The following CDH4 variants were observed in gnomAD, a reference collection of about 807,000 sequenced individuals.
CDH4 encodes the protein cadherin-4.
Under a neutral mutation model 86.0 loss-of-function variants are expected in CDH4, and 33 were observed. That is an observed-to-expected ratio of 0.38 (90% CI 0.29 to 0.51). The LOEUF is 0.51. Ranked by LOEUF, CDH4 falls within the 20% of genes least tolerant of loss-of-function variation. CDH4 has a pLI of 0.86. For missense variants in CDH4, 1,114 were observed against 1,307.4 expected (o/e 0.85, Z 2.28); for synonymous variants, 555 against 549.4 (o/e 1.01, Z -0.14).
chr20:61,728,265 T>C (rs756612808), intron 2 of CDH4, among the ~76,000 whole-genome samples: 6 of 152,184 alleles, frequency 3.9e-5, no homozygotes, highest in Non-Finnish European at 5.9e-5. Context: ...TAGACATCTG[T>C]GTGTGTCTTG....
At chr20:61,505,684 G>A (rs2085735377) in intron 2 of CDH4, among the ~76,000 whole-genome samples, 1 of 143,150 alleles carries the variant, frequency 7.0e-6, no homozygotes, top group South Asian at 2.2e-4. Flanking sequence ...CCTGTGCTTG[G>A]CATCCTGCCT....
intron 2 of CDH4, among the ~76,000 whole-genome samples, chr20:61,627,560 G>A (rs149056526): frequency 0.038 from 5,732 of 152,286 alleles, 182 homozygotes; most frequent in Middle Eastern, 0.075. Flanking sequence ...TGCCCGCATG[G>A]AGAGCTCTTT....
chr20:61,410,185 G>T (rs1181133018), intron 2 of CDH4, among the ~76,000 whole-genome samples: 1 of 152,202 alleles, frequency 6.6e-6, no homozygotes, highest in Non-Finnish European at 1.5e-5. Context: ...GGGAAAAGAA[G>T]AGTAACTTGT....
intron 2 of CDH4, among the ~76,000 whole-genome samples, chr20:61,567,580 A>T (rs2086309349): frequency 6.6e-6 from 1 of 152,152 alleles, no homozygotes; most frequent in South Asian, 2.1e-4. Context: ...AACACACAAA[A>T]TTCGAAATTT....
chr20:61,827,726 G>A (rs1981389812), intron 4 of CDH4, among the ~76,000 whole-genome samples: 1 of 152,296 alleles, frequency 6.6e-6, no homozygotes, highest in Middle Eastern at 3.4e-3. Context: ...TTAATTCTAG[G>A]TAGGAAATGT....
At chr20:61,872,057 CCCTG>C (rs1447182780) in intron 6 of CDH4, among the ~76,000 whole-genome samples, 1 of 152,164 alleles carries the variant, frequency 6.6e-6, no homozygotes, top group Non-Finnish European at 1.5e-5. Context: ...GGGGAAGGCT[CCCTG>C]CCTGCTCTGG....
Position 61,296,190 on chromosome 20 carries a change from G to A in CDH4, c.169+41253G>A, listed in dbSNP as rs542692053. Among the ~76,000 whole-genome samples the A allele has an allele frequency of 1.9e-4, 28 of 143,820 alleles. No homozygotes were observed. The South Asian group carries it at 4.8e-3, about 25-fold the overall frequency. The allele number at this position is 143,820 out of a possible 152,430, so 94.4% of individuals were successfully genotyped here. On this transcript the variant is annotated intron_variant, in intron 2 of 15. Transcript: ENST00000614565. ...TGTCGAAATAAGTATGAGTGTGTGC[G>A]TGTGTGTGTGTGAGAGAGAGACCTT...
intron 4 of CDH4, among the ~76,000 whole-genome samples, chr20:61,841,698 CG>C (rs35088011): frequency 6.7e-6 from 1 of 148,650 alleles, no homozygotes; most frequent in African/African-American, 2.6e-5. Flanking sequence ...AGGTGCATTG[CG>C]GGGGGGAACA....
chr20:61,328,234 G>T (rs1196584895), intron 2 of CDH4, among the ~76,000 whole-genome samples: 4 of 151,614 alleles, frequency 2.6e-5, no homozygotes, highest in Non-Finnish European at 5.9e-5. Context: ...GGAGTGCAGT[G>T]GTGCAATCTC....
intron 2 of CDH4, among the ~76,000 whole-genome samples, chr20:61,334,604 G>A (rs1418066202): frequency 6.6e-6 from 1 of 152,168 alleles, no homozygotes; most frequent in African/African-American, 2.4e-5. Context: ...CCTCTGATAA[G>A]TGCACTAATC....
intron 2 of CDH4, among the ~76,000 whole-genome samples, chr20:61,500,499 G>A (rs148666636): frequency 6.6e-6 from 1 of 152,208 alleles, no homozygotes; most frequent in African/African-American, 2.4e-5. Flanking sequence ...TCCTGTCTCA[G>A]GCCCTGCAGC....
At chr20:61,721,667 G>T (rs1431691130) in intron 2 of CDH4, among the ~76,000 whole-genome samples, 1 of 152,202 alleles carries the variant, frequency 6.6e-6, no homozygotes, top group Non-Finnish European at 1.5e-5. Flanking sequence ...ATTTCCCCTT[G>T]GGGCAGTGTT....
At chr20:61,678,838 A>T (rs2087474977) in intron 2 of CDH4, among the ~76,000 whole-genome samples, 1 of 152,078 alleles carries the variant, frequency 6.6e-6, no homozygotes, top group African/African-American at 2.4e-5. Flanking sequence ...TCTTATGAGG[A>T]TGCTCTCATT....
chr20:61,867,077 G>A lies in CDH4; in HGVS notation c.878-6651G>A, dbSNP rs577317797. ...AGGAACCAGCAGGAGAGAGACGGGT[G>A]GAGGCTGCCTTCCAGGTGCCCACAC... On this transcript the variant is annotated intron_variant, in intron 6 of 15. Transcript: ENST00000614565. Among the ~76,000 whole-genome samples, 243 of 152,358 alleles carry A rather than the reference G, an allele frequency of 1.6e-3. 2 individuals carry two copies. The highest frequency in any genetic ancestry group is 5.7e-3 in the African/African-American group (235 of 41,580).
Position 61,707,043 on chromosome 20 carries a change from G to T in CDH4, c.170-36520G>T, listed in dbSNP as rs1247836683. Among the ~76,000 whole-genome samples the T allele has an allele frequency of 2.0e-5, 3 of 152,232 alleles. No homozygotes were observed. The South Asian group carries it at 6.2e-4, about 31-fold the overall frequency. ...CAACACTGTTCTGGAAGCTTCCGTG[G>T]CGGTACTCTCTCTCCATCTTCCCTG... On this transcript the variant is annotated intron_variant, in intron 2 of 15. Transcript: ENST00000614565.
At chr20:61,565,074 G>GTCGCGGTGCTCT (rs1189359244) in intron 2 of CDH4, among the ~76,000 whole-genome samples, 1 of 132,204 alleles carries the variant, frequency 7.6e-6, no homozygotes. Flanking sequence ...GGTGGTGGTG[G>GTCGCGGTGCTCT]TGGTGGTGGT....
chr20:61,299,219 C>T (rs111581112), intron 2 of CDH4, among the ~76,000 whole-genome samples: 109 of 152,212 alleles, frequency 7.2e-4, no homozygotes, highest in African/African-American at 2.5e-3. Flanking sequence ...GGGAGAACCT[C>T]GCTTATTCGT....
intron 2 of CDH4, among the ~76,000 whole-genome samples, chr20:61,729,551 G>A (rs1264593119): frequency 6.6e-6 from 1 of 152,228 alleles, no homozygotes; most frequent in Non-Finnish European, 1.5e-5. Flanking sequence ...GCAGGGAGCT[G>A]CAAACAGGCT....
chr20:61,831,891 G>T (rs924913006), intron 4 of CDH4, among the ~76,000 whole-genome samples: 1 of 152,250 alleles, frequency 6.6e-6, no homozygotes, highest in East Asian at 1.9e-4. Context: ...CTTCCAGAAG[G>T]CTATGAGATG....
Sources: allele counts gnomAD v4.1 joint callset (sites outside exome capture counted in the v4.1 genomes callset), GRCh38; gene constraint gnomAD v4.1.1; transcripts MANE v1.5; gene names NCBI Gene and HGNC (gene_info 2026-07-23, HGNC 2026-07-21).